Variants in CDKN2B observed in about 807,000 individuals in gnomAD.
CDKN2B encodes the protein cyclin-dependent kinase 4 inhibitor B.
Under a neutral mutation model 7.7 loss-of-function variants are expected in CDKN2B, and 8 were observed. The observed-to-expected ratio is 1.04, with a 90% confidence interval of 0.61 to 1.87. The LOEUF is 1.87. Among genes scored for constraint, CDKN2B ranks in the 40% most tolerant of loss-of-function variants. The pLI, the probability that CDKN2B is intolerant of heterozygous loss-of-function variation, is 0.00. For synonymous variants in CDKN2B, 93 were observed against 95.8 expected (o/e 0.97, Z 0.17); for missense variants, 244 against 213.1 (o/e 1.15, Z -0.90).
At chr9:22,008,717 C>T (rs1821322663) in intron 1 of CDKN2B, 81 bp downstream of exon 1, 1 of 1,611,592 alleles carries the variant, frequency 6.2e-7, no homozygotes, top group African/African-American at 1.3e-5. Context: ...CATCGGCGAT[C>T]TAGGTTCCAG....
rs1188277535 is a variant in CDKN2B at position 22,009,110 on chromosome 9, T to C, written c.-157A>G. On this transcript the variant is annotated 5_prime_UTR_variant, in exon 1 of 2. Transcript: ENST00000276925. Reference sequence around the variant, plus strand: ...TACCCTCCCGTCGTCCTTCTGCGGCTTGGGGCCCCGTGCAGTGGCCGAGCG... The same window carrying C: ...TACCCTCCCGTCGTCCTTCTGCGGCCTGGGGCCCCGTGCAGTGGCCGAGCG... 5.9e-6 allele frequency: 7 copies of C among 1,182,738 alleles called. No individual in the cohort carries two copies. Among genetic ancestry groups the C allele is most frequent in the Non-Finnish European group, 8.5e-6 (7 of 823,308 alleles). The allele number at this position is 1,182,738 out of a possible 1,614,324, so 73.3% of individuals were successfully genotyped here. A position where few individuals can be genotyped will look rare whatever the true frequency, so the allele number is the denominator to read the frequency against.
intron 1 of CDKN2B, among the ~76,000 whole-genome samples, chr9:22,008,449 A>C (rs1164194935): frequency 6.6e-6 from 1 of 152,170 alleles, no homozygotes; most frequent in Non-Finnish European, 1.5e-5. Context: ...TGCGTAACTT[A>C]TACTTTACTT....
rs377723228 is a variant in CDKN2B at position 22,006,078 on chromosome 9, C to T, written c.326G>A (p.Arg109His). The T allele has an allele frequency of 1.9e-5, 31 of 1,607,000 alleles. No individual in the cohort carries two copies. In the East Asian group the frequency reaches 2.5e-4, roughly 13 times the overall value. ...LHRAGARLDV[R>H]DAWGRLPVDL... is the part of the protein sequence containing the mutation. ...CACGGGCAGACGACCCCAGGCATCG[C>T]GCACGTCCAGCCGCGCCCCGGCCCG... is the stretch of plus-strand genomic sequence containing the variant. The change falls in exon 2 of 2, where the codon CGC becomes CAC. Residue 109 changes from arginine to histidine, a missense_variant. By Grantham distance (29) the Arg-to-His change is conservative (BLOSUM62 0). Transcript: ENST00000276925. This position sits in a 1 kb window ranked among gnomAD's most constrained non-coding sequence, Gnocchi z 6.4.
In CDKN2B at chr9:22,006,102, C is replaced by T. The variant is rs1425823622; in HGVS notation, c.302G>A (p.Arg101Gln). 5 of 1,609,334 alleles carry T rather than the reference C, an allele frequency of 3.1e-6. No individual in the cohort carries two copies. Among genetic ancestry groups the T allele is most frequent in the African/African-American group, 2.7e-5 (2 of 74,934 alleles). The part of the protein sequence containing the change: ...GFLDTLVVLH[R>Q]AGARLDVRDA... ...GCGCACGTCCAGCCGCGCCCCGGCC[C>T]GGTGCAGCACCACCAGCGTGTCCAG... The change falls in exon 2 of 2, where the codon CGG (arginine) becomes CAG (glutamine). Residue 101 changes from arginine (R) to glutamine (Q), a missense_variant. Arg to Gln is a conservative substitution (Grantham distance 43). Coordinates refer to ENST00000276925, the MANE Select transcript of CDKN2B (RefSeq NM_004936.4). The surrounding 1 kb of genome is among the most constrained non-coding windows in gnomAD (Gnocchi z 6.4).
intron 1 of CDKN2B, 38 bp downstream of exon 1, chr9:22,008,760 C>A: frequency 6.2e-7 from 1 of 1,610,022 alleles, no homozygotes; most frequent in Non-Finnish European, 8.5e-7. Context: ...CCCGCGTTCG[C>A]GCGCCCCCTG....
chr9:22,003,554 A>G lies in CDKN2B; in HGVS notation c.*2433T>C, dbSNP rs751758721. 5.0e-4 allele frequency: 115 copies of G among 229,296 alleles called. No homozygotes were observed. Among genetic ancestry groups the G allele is most frequent in the Non-Finnish European group, 7.8e-4 (90 of 115,808 alleles). The allele number at this position is 229,296 out of a possible 1,614,324, so 14.2% of individuals were successfully genotyped here. A position where few individuals can be genotyped will look rare whatever the true frequency, so the allele number is the denominator to read the frequency against. ...TAAACCAAATGGGAGATTTTAAAGTATCAACTGACTTCTTTTATATAGAAT... is the reference window on the plus strand; with the variant it reads ...TAAACCAAATGGGAGATTTTAAAGTGTCAACTGACTTCTTTTATATAGAAT... On this transcript the variant is annotated 3_prime_UTR_variant, in exon 2 of 2. Coordinates refer to ENST00000276925, the MANE Select transcript of CDKN2B (RefSeq NM_004936.4).
At position 22,004,570 on chromosome 9, in the gene CDKN2B, T is replaced by A. The variant is rs150924737; in HGVS notation, c.*1417A>T. 1.7e-5 allele frequency: 4 copies of A among 232,598 alleles called. No individual in the cohort carries two copies. Among genetic ancestry groups the A allele is most frequent in the Non-Finnish European group, 2.5e-5 (3 of 117,672 alleles). The allele number at this position is 232,598 out of a possible 1,614,324, so 14.4% of individuals were successfully genotyped here. A position where few individuals can be genotyped will look rare whatever the true frequency, so the allele number is the denominator to read the frequency against. On this transcript the variant is annotated 3_prime_UTR_variant, in exon 2 of 2. Coordinates refer to ENST00000276925, the MANE Select transcript of CDKN2B (RefSeq NM_004936.4). Reference sequence around the variant, plus strand: ...AAATTACCCACCTCTTGGAGTTCAATCTCTGTTAATTCTTTATTAAAGTAG... The same window carrying A: ...AAATTACCCACCTCTTGGAGTTCAAACTCTGTTAATTCTTTATTAAAGTAG...
In CDKN2B at chr9:22,009,289, C is replaced by T. The variant is rs1422121690; in HGVS notation, c.-336G>A. The T allele has an allele frequency of 1.1e-5, 5 of 476,042 alleles. No homozygotes were observed. The highest frequency in any genetic ancestry group is 1.9e-5 in the Non-Finnish European group (5 of 266,000). 29.5% of individuals were successfully genotyped at this position (476,042 alleles called of 1,614,324 possible). ...GCGTCGCGGAGTCCTCACTGCCCCG[C>T]CTCGCTCTGGCAGAGTGGGGAGCCA... is the stretch of plus-strand genomic sequence containing the variant. On this transcript the variant is annotated 5_prime_UTR_variant, in exon 1 of 2. Transcript: ENST00000276925.
At position 22,009,182 on chromosome 9, in the gene CDKN2B, G is replaced by C. The variant is rs890615012; in HGVS notation, c.-229C>G. 1.5e-5 allele frequency: 10 copies of C among 645,614 alleles called. No individual in the cohort carries two copies. The highest frequency in any genetic ancestry group is 4.2e-4 in the Middle Eastern group (1 of 2,372). 40.0% of individuals were successfully genotyped at this position (645,614 alleles called of 1,614,324 possible). A position where few individuals can be genotyped will look rare whatever the true frequency, so the allele number is the denominator to read the frequency against. ...TTTCCTGGCGCTCAAGAACCAGCGG[G>C]CGCGCCTGGATTGCTTCTGGGAAAA... is the stretch of plus-strand genomic sequence containing the variant. On this transcript the variant is annotated 5_prime_UTR_variant, in exon 1 of 2. Transcript: ENST00000276925.
chr9:22,008,600 A>C (rs1300059678), intron 1 of CDKN2B, 198 bp downstream of exon 1: 7 of 1,496,672 alleles, frequency 4.7e-6, no homozygotes, highest in Middle Eastern at 1.7e-4. Flanking sequence ...AAAAAAGCTT[A>C]AACAGTGGGT....
In CDKN2B at chr9:22,006,320, G is replaced by T. The variant is rs1821188698; in HGVS notation, c.157-73C>A. The T allele has an allele frequency of 3.1e-6, 5 of 1,587,930 alleles. No homozygotes were observed. The highest frequency in any genetic ancestry group is 4.3e-6 in the Non-Finnish European group (5 of 1,173,418). On this transcript the variant is annotated intron_variant, in intron 1 of 1. Coordinates refer to ENST00000276925, the MANE Select transcript of CDKN2B (RefSeq NM_004936.4). The surrounding 1 kb of genome is among the most constrained non-coding windows in gnomAD (Gnocchi z 6.4). ...GGAGATGCCGGCCGGGGCAAGGCAG[G>T]TGGAGCCATTTAAAGAAACACCTAA...
chr9:22,007,749 TGTTA>T (rs1332828225), intron 1 of CDKN2B, among the ~76,000 whole-genome samples: 3 of 152,328 alleles, frequency 2.0e-5, no homozygotes, highest in South Asian at 2.1e-4. Flanking sequence ...AAATAGCTGC[TGTTA>T]GTATTTCAGA....
rs1415263773 is a variant in CDKN2B at position 22,004,944 on chromosome 9, A to G, written c.*1043T>C. The G allele has an allele frequency of 4.3e-6, 1 of 233,224 alleles. No homozygotes were observed. Among genetic ancestry groups the G allele is most frequent in the Non-Finnish European group, 8.5e-6 (1 of 118,072 alleles). The allele number at this position is 233,224 out of a possible 1,614,324, so 14.4% of individuals were successfully genotyped here. ...TTTGCACTGAGTTTGCAACAGTGCC[A>G]TTGCTACATTTAAGAGCTGTAGTTC... On this transcript the variant is annotated 3_prime_UTR_variant, in exon 2 of 2. Coordinates refer to ENST00000276925, the MANE Select transcript of CDKN2B (RefSeq NM_004936.4).
At position 22,004,556 on chromosome 9, in the gene CDKN2B, C is replaced by G. The variant is rs1178411824; in HGVS notation, c.*1431G>C. ...TGTATTTTTAAACCAAATTACCCACCTCTTGGAGTTCAATCTCTGTTAATT... is the reference window on the plus strand; with the variant it reads ...TGTATTTTTAAACCAAATTACCCACGTCTTGGAGTTCAATCTCTGTTAATT... On this transcript the variant is annotated 3_prime_UTR_variant, in exon 2 of 2. Transcript: ENST00000276925. 8.6e-6 allele frequency: 2 copies of G among 232,374 alleles called. No homozygotes were observed. Among genetic ancestry groups the G allele is most frequent in the African/African-American group, 2.2e-5 (1 of 45,294 alleles). The allele number at this position is 232,374 out of a possible 1,614,324, so 14.4% of individuals were successfully genotyped here. A position where few individuals can be genotyped will look rare whatever the true frequency, so the allele number is the denominator to read the frequency against.
In CDKN2B at chr9:22,006,063, C is replaced by T. The variant is rs2131180599; in HGVS notation, c.341G>A (p.Arg114His). 2 of 1,605,966 alleles carry T rather than the reference C, an allele frequency of 1.2e-6. No individual in the cohort carries two copies. The highest frequency in any genetic ancestry group is 1.7e-6 in the Non-Finnish European group (2 of 1,179,618). ...ARLDVRDAWG[R>H]LPVDLAEERG... ...CTCCTCGGCCAAGTCCACGGGCAGACGACCCCAGGCATCGCGCACGTCCAG... is the reference window on the plus strand; with the variant it reads ...CTCCTCGGCCAAGTCCACGGGCAGATGACCCCAGGCATCGCGCACGTCCAG... Residue 114 changes from arginine (R) to histidine (H), a missense_variant, in exon 2 of 2, where the codon CGT (arginine) becomes CAT (histidine). By Grantham distance (29) the Arg-to-His change is conservative. Coordinates refer to ENST00000276925, the MANE Select transcript of CDKN2B (RefSeq NM_004936.4). The surrounding 1 kb of genome is among the most constrained non-coding windows in gnomAD (Gnocchi z 6.4).
chr9:22,008,700 A>AAATC (rs759079787), intron 1 of CDKN2B, 98 bp downstream of exon 1: 1 of 1,611,338 alleles, frequency 6.2e-7, no homozygotes, highest in Admixed American at 1.7e-5. Flanking sequence ...ACTCCTGTAC[A>AAATC]AATCTACATC....
Position 22,008,925 on chromosome 9 carries a change from C to T in CDKN2B, c.29G>A (p.Ser10Asn). ...CAGACCCTCATCGCTGCCGCCCCCA[C>T]TGGGCATGCCCTTGTTCTCCTCGCG... Reference protein sequence around the residue: MREENKGMPSGGGSDEGLAS... With the variant: MREENKGMPNGGGSDEGLAS... The change falls in exon 1 of 2, where the codon AGT becomes AAT. Residue 10 changes from serine (S) to asparagine (N), a missense_variant. Physicochemically the swap from Ser to Asn is conservative, Grantham distance 46. Coordinates refer to ENST00000276925, the MANE Select transcript of CDKN2B (RefSeq NM_004936.4). 1 of 1,613,004 alleles carries T rather than the reference C, an allele frequency of 6.2e-7. No individual in the cohort carries two copies. Among genetic ancestry groups the T allele is most frequent in the East Asian group, 2.2e-5 (1 of 44,874 alleles).
chr9:22,007,393 C>T (rs1365997492), intron 1 of CDKN2B, among the ~76,000 whole-genome samples: 1 of 151,928 alleles, frequency 6.6e-6, no homozygotes, highest in Non-Finnish European at 1.5e-5. Context: ...ATAAATAGAG[C>T]TTGGATGTTA....
Position 22,009,249 on chromosome 9 carries a change from C to A in CDKN2B, c.-296G>T. 1.8e-6 allele frequency: 1 copy of A among 550,148 alleles called. No individual in the cohort carries two copies. Among genetic ancestry groups the A allele is most frequent in the Non-Finnish European group, 3.3e-6 (1 of 305,670 alleles). 34.1% of individuals were successfully genotyped at this position (550,148 alleles called of 1,614,324 possible). ...GCAGCCGAGCTCAAAGCCGCTCTGG[C>A]CGCAGGGTGCGGACGCGTCGCGGAG... On this transcript the variant is annotated 5_prime_UTR_variant, in exon 1 of 2. Transcript: ENST00000276925.
Sources: gnomAD v4.1 joint callset for allele counts (sites outside exome capture counted in the v4.1 genomes callset) on GRCh38, gnomAD v4.1.1 for gene constraint, Gnocchi (gnomAD v3.1) non-coding constraint, MANE v1.5 for transcripts, NCBI Gene and HGNC (gene_info 2026-07-23, HGNC 2026-07-21) for gene names.